Variants in ZIC4 observed in about 807,000 individuals in gnomAD.
ZIC4 encodes zinc finger protein ZIC 4.
ZIC4 carries 15 observed loss-of-function variants against 28.8 expected under a neutral mutation model. That is an observed-to-expected ratio of 0.52 (90% CI 0.35 to 0.80). The LOEUF is 0.80. ZIC4 is among the 30% of genes least tolerant of loss of function. ZIC4 has a pLI of 0.01. For missense variants in ZIC4, 512 were observed against 467.1 expected, an observed-to-expected ratio of 1.10 and a Z score of -0.89; for synonymous variants, 220 against 198.1, an observed-to-expected ratio of 1.11 and a Z score of -0.93.
rs1480467815 is a variant in ZIC4, at chr3:147,386,817, C to G, written c.*2042G>C. 3 of 152,364 alleles carry G rather than the reference C, an allele frequency of 2.0e-5. No homozygotes were observed. The East Asian group carries it at 5.8e-4, about 29-fold the overall frequency. 9.4% of individuals were successfully genotyped at this position (152,364 alleles called of 1,614,324 possible). On this transcript the variant is annotated 3_prime_UTR_variant, in exon 5 of 5. Transcript: ENST00000383075. ...AGGAAACAGGAAATTAATAAAATAT[C>G]TCTCTCCTTCAGCTATTCTCCTTCT...
At chr3:147,393,618 C>T (rs900409455) in intron 3 of ZIC4, 1 of 284,310 alleles carries the variant, frequency 3.5e-6, no homozygotes, top group Non-Finnish European at 6.9e-6. Context: ...AGTTCGGAAG[C>T]TCGGGCTAGC....
At chr3:147,388,886 G>A (rs762228190) in intron 4 of ZIC4, 27 bp from the exon 5 acceptor site, 1 of 779,426 alleles carries the variant, frequency 1.3e-6, no homozygotes, top group South Asian at 1.3e-5. Flanking sequence ...AAAAATTAAA[G>A]GCGATTAGTG....
Position 147,392,408 on chromosome 3 carries a change from A to T in ZIC4, c.689-1162T>A, listed in dbSNP as rs556921988. 3.3e-4 allele frequency: 330 copies of T among 985,460 alleles called. No individual in the cohort carries two copies. In the African/African-American group the frequency reaches 5.4e-3, roughly 16 times the overall value. 61.0% of individuals were successfully genotyped at this position (985,460 alleles called of 1,614,324 possible). On this transcript the variant is annotated intron_variant, in intron 3 of 4. Coordinates refer to ENST00000383075, the MANE Select transcript of ZIC4 (RefSeq NM_032153.6). ...GACAATATTGGCCGGACCGAGCCCC[A>T]ATCGGGGAGCTCACGGCCAGCTGAA...
chr3:147,405,675 C>T, intron 1 of ZIC4: 2 of 623,184 alleles, frequency 3.2e-6, no homozygotes, highest in East Asian at 2.8e-5. Flanking sequence ...AGTCCCGAAC[C>T]CACTGCTGGC....
chr3:147,394,113 T>TC (rs1166994186), intron 3 of ZIC4, among the ~76,000 whole-genome samples: 42 of 146,706 alleles, frequency 2.9e-4, no homozygotes, highest in African/African-American at 9.7e-4. Context: ...AAATATTTTT[T>TC]TTCCCTCTCT....
chr3:147,390,999 G>A lies in ZIC4; in HGVS notation c.936C>T (p.Asp312=). Residue 312 remains aspartate, a synonymous_variant, in exon 4 of 5, where the codon GAC becomes GAT. Transcript: ENST00000383075. ...TPSALVSPSS[D]CGHKSQVASS... is the part of the protein sequence containing the mutation. Reference sequence around the variant, plus strand: ...AGGCCACCTGGGACTTGTGGCCGCAGTCCGACGAGGGCGACACGAGGGCAG... The same window carrying A: ...AGGCCACCTGGGACTTGTGGCCGCAATCCGACGAGGGCGACACGAGGGCAG... 6.2e-7 allele frequency: 1 copy of A among 1,613,354 alleles called. No homozygotes were observed. The highest frequency in any genetic ancestry group is 2.2e-5 in the East Asian group (1 of 44,860).
At chr3:147,398,351 C>A (rs1461346782) in intron 2 of ZIC4, among the ~76,000 whole-genome samples, 1 of 152,194 alleles carries the variant, frequency 6.6e-6, no homozygotes, top group Admixed American at 6.5e-5. Flanking sequence ...AAGTGCACGC[C>A]GCGTTTCCCC....
rs1337222286 is a variant in ZIC4, at chr3:147,388,777, G to C, written c.*82C>G. 6 of 754,662 alleles carry C rather than the reference G, an allele frequency of 8.0e-6. No homozygotes were observed. Among genetic ancestry groups the C allele is most frequent in the South Asian group, 5.7e-5 (4 of 70,168 alleles). 46.7% of individuals were successfully genotyped at this position (754,662 alleles called of 1,614,324 possible). On this transcript the variant is annotated 3_prime_UTR_variant, in exon 5 of 5. Coordinates refer to ENST00000383075, the MANE Select transcript of ZIC4 (RefSeq NM_032153.6). ...GGCGAAGAAACACTGCTTTGTGCGC[G>C]GGCCCTTTGATGTAGCAGGCGCGAG...
chr3:147,402,683 A>G, intron 2 of ZIC4, 45 bp downstream of exon 2: 1 of 1,517,652 alleles, frequency 6.6e-7, no homozygotes, highest in South Asian at 1.3e-5. Context: ...GAAGAAGAAG[A>G]AAAGAAACCA....
At chr3:147,394,022 A>G in intron 3 of ZIC4, 1 of 453,930 alleles carries the variant, frequency 2.2e-6, no homozygotes, top group East Asian at 7.0e-5. Context: ...CGCCATTAAT[A>G]TTTGAAAAGG....
At chr3:147,397,737 C>T (rs2087080260) in intron 2 of ZIC4, among the ~76,000 whole-genome samples, 1 of 152,156 alleles carries the variant, frequency 6.6e-6, no homozygotes, top group African/African-American at 2.4e-5. Flanking sequence ...GTTGCTGACT[C>T]AGGAGCCAGG....
intron 3 of ZIC4, chr3:147,393,721 C>T (rs2086976022): frequency 2.9e-6 from 1 of 347,256 alleles, no homozygotes; most frequent in African/African-American, 2.2e-5. Context: ...CCTCGGATCC[C>T]CAGCACTGAC....
chr3:147,401,875 T>C (rs2087169770), intron 2 of ZIC4, among the ~76,000 whole-genome samples: 1 of 152,234 alleles, frequency 6.6e-6, no homozygotes, highest in African/African-American at 2.4e-5. Flanking sequence ...AACATTGCTT[T>C]TGGGTCTTCC....
At chr3:147,389,592 GA>G (rs1246550151) in intron 4 of ZIC4, among the ~76,000 whole-genome samples, 2 of 152,006 alleles carry the variant, frequency 1.3e-5, no homozygotes, top group Admixed American at 6.6e-5. Context: ...GGGGAGGGGG[GA>G]AAAAGGACCT....
At chr3:147,402,899 G>T in intron 1 of ZIC4, 87 bp from the exon 2 acceptor site, 1 of 1,076,904 alleles carries the variant, frequency 9.3e-7, no homozygotes, top group Non-Finnish European at 1.4e-6. Flanking sequence ...ATGTATGAAT[G>T]AAAGAAGGAG....
rs751525158 is a variant in ZIC4, at chr3:147,405,497, T to C, written c.-16+866A>G. On this transcript the variant is annotated intron_variant, in intron 1 of 4. Coordinates refer to ENST00000383075, the MANE Select transcript of ZIC4 (RefSeq NM_032153.6). Reference sequence around the variant, plus strand: ...CAACCCCAACTTTCAGATCCAACCTTTGAGCCAGTCCTAGCTTTCTTTCAC... The same window carrying C: ...CAACCCCAACTTTCAGATCCAACCTCTGAGCCAGTCCTAGCTTTCTTTCAC... 2.3e-5 allele frequency: 35 copies of C among 1,535,692 alleles called. No homozygotes were observed. The South Asian group carries it at 4.0e-4, about 18-fold the overall frequency.
intron 4 of ZIC4, among the ~76,000 whole-genome samples, chr3:147,389,760 T>C (rs977114479): frequency 1.6e-4 from 24 of 152,180 alleles, no homozygotes; most frequent in African/African-American, 5.3e-4. Flanking sequence ...TTATTGTGGA[T>C]CATTTCTCTA....
Position 147,391,251 on chromosome 3 carries a change from C to A in ZIC4, c.689-5G>T. ...CGCATCTGAAGGGCTTCTCGCCTGG[C>A]GGAGGCAACGCAGAGACATTAGTGC... is the stretch of plus-strand genomic sequence containing the variant. On this transcript the variant is annotated splice_region_variant and splice_polypyrimidine_tract_variant and intron_variant, in intron 3 of 4. Transcript: ENST00000383075. 1 of 1,572,558 alleles carries A rather than the reference C, an allele frequency of 6.4e-7. No homozygotes were observed. The highest frequency in any genetic ancestry group is 8.7e-7 in the Non-Finnish European group (1 of 1,153,220).
At position 147,392,082 on chromosome 3, in the gene ZIC4, C is replaced by A. The variant is rs963796940; in HGVS notation, c.689-836G>T. The A allele has an allele frequency of 5.1e-6, 5 of 985,496 alleles. No individual in the cohort carries two copies. The Admixed American group carries it at 1.8e-4, about 36-fold the overall frequency. 61.0% of individuals were successfully genotyped at this position (985,496 alleles called of 1,614,324 possible). A position where few individuals can be genotyped will look rare whatever the true frequency, so the allele number is the denominator to read the frequency against. On this transcript the variant is annotated intron_variant, in intron 3 of 4. Coordinates refer to ENST00000383075, the MANE Select transcript of ZIC4 (RefSeq NM_032153.6). The stretch of plus-strand genomic sequence containing the variant: ...GGGCAGCTGGCCCTCCCAGTCCGCA[C>A]TGACTTGCGATGTCGACCGGTCTGC...
Sources: allele counts gnomAD v4.1 joint callset (sites outside exome capture counted in the v4.1 genomes callset), GRCh38; gene constraint gnomAD v4.1.1; transcripts MANE v1.5; gene names NCBI Gene and HGNC (gene_info 2026-07-23, HGNC 2026-07-21).